ZNF532: variants seen among roughly 807,000 people sequenced by gnomAD.
The protein encoded by ZNF532 is zinc finger protein 532.
Under a neutral mutation model 89.3 loss-of-function variants are expected in ZNF532, and 22 were observed. The ratio of observed to expected loss-of-function variants is 0.25; its 90% confidence interval spans 0.18 to 0.35. The LOEUF (loss-of-function observed/expected upper bound fraction) is 0.35, where lower values mean the gene tolerates loss of function less well. ZNF532 is among the 10% of genes least tolerant of loss of function. The pLI, the probability that ZNF532 is intolerant of heterozygous loss-of-function variation, is 1.00. For synonymous variants in ZNF532, 606 were observed against 649.6 expected, an observed-to-expected ratio of 0.93 and a Z score of 1.02; for missense variants, 1,132 against 1,643.4, an observed-to-expected ratio of 0.69 and a Z score of 5.38.
At chr18:58,908,831 G>T (rs971828903) in intron 2 of ZNF532, among the ~76,000 whole-genome samples, 10 of 152,198 alleles carry the variant, frequency 6.6e-5, no homozygotes, top group Non-Finnish European at 1.5e-5. Context: ...TTGCCTGAAA[G>T]AAATCTGTTT....
intron 3 of ZNF532, among the ~76,000 whole-genome samples, chr18:58,927,040 G>T (rs1473927202): frequency 1.3e-5 from 2 of 152,196 alleles, no homozygotes; most frequent in African/African-American, 4.8e-5. Context: ...GAATTGAGAA[G>T]TATTCCCTCC....
At chr18:58,888,888 A>G (rs865802795) in intron 2 of ZNF532, among the ~76,000 whole-genome samples, 1 of 45,398 alleles carries the variant, frequency 2.2e-5, no homozygotes, top group Non-Finnish European at 3.7e-5. Flanking sequence ...ATATATATAT[A>G]TTTTATATAT....
At chr18:58,926,627 C>T (rs931615312) in intron 3 of ZNF532, among the ~76,000 whole-genome samples, 16 of 152,168 alleles carry the variant, frequency 1.1e-4, no homozygotes, top group Admixed American at 6.5e-5. Flanking sequence ...GGATTATAGG[C>T]GTGAGCCACT....
At chr18:58,967,585 CT>C (rs1299508353) in intron 7 of ZNF532, among the ~76,000 whole-genome samples, 1 of 151,904 alleles carries the variant, frequency 6.6e-6, no homozygotes, top group East Asian at 1.9e-4. Context: ...CTCCACCATA[CT>C]TTTTTTTTCT....
chr18:58,885,738 C>T (rs2058252751), intron 2 of ZNF532, among the ~76,000 whole-genome samples: 1 of 151,734 alleles, frequency 6.6e-6, no homozygotes. Context: ...CCTGTAATCC[C>T]AGCTACTCAG....
At chr18:58,899,976 A>G (rs1372501216) in intron 2 of ZNF532, among the ~76,000 whole-genome samples, 1 of 151,764 alleles carries the variant, frequency 6.6e-6, no homozygotes, top group Non-Finnish European at 1.5e-5. Context: ...CTTCCTGTCC[A>G]TTTTTCTCTG....
chr18:58,863,643 A>T (rs574233817), upstream of ZNF532: 1 of 113,264 alleles, frequency 8.8e-6, no homozygotes, highest in Non-Finnish European at 1.9e-5. Context: ...CGACAGCAGC[A>T]GCAGCCACAG....
At chr18:58,946,825 G>A (rs1395488770) in intron 5 of ZNF532, among the ~76,000 whole-genome samples, 1 of 152,004 alleles carries the variant, frequency 6.6e-6, no homozygotes, top group East Asian at 1.9e-4. Context: ...GTAAAAACAG[G>A]CCAATCCAGT....
At chr18:58,966,121 ACT>A (rs2065893455) in intron 7 of ZNF532, among the ~76,000 whole-genome samples, 1 of 151,766 alleles carries the variant, frequency 6.6e-6, no homozygotes, top group South Asian at 2.1e-4. Flanking sequence ...GTTCCCTCCT[ACT>A]CTCCTACCCT....
intron 2 of ZNF532, among the ~76,000 whole-genome samples, chr18:58,908,894 AAGACCTAATAACATCCTAC>A (rs2060106223): frequency 6.6e-6 from 1 of 152,224 alleles, no homozygotes; most frequent in Admixed American, 6.5e-5. Flanking sequence ...GTCTTTGTGA[AAGACCTAATAACATCCTAC>A]AGAACTAGTA....
In ZNF532 at chr18:58,891,022, G is replaced by A. The variant is rs142238812; in HGVS notation, c.-18+25443G>A. 6.9e-3 allele frequency among the ~76,000 whole-genome samples: 1,043 copies of A among 152,086 alleles called. 8 individuals carry two copies. Among genetic ancestry groups the A allele is most frequent in the South Asian group, 8.3e-3 (40 of 4,812 alleles). On this transcript the variant is annotated intron_variant, in intron 2 of 9. Transcript: ENST00000591808. ...CGTATCGGGCTAACTGGGTTCAAGC[G>A]ATTCTCCTGCCTCAGCCTCCCGAGT...
At chr18:58,937,152 TA>T (rs1252302069) in intron 4 of ZNF532, among the ~76,000 whole-genome samples, 2 of 152,040 alleles carry the variant, frequency 1.3e-5, no homozygotes, top group Non-Finnish European at 2.9e-5. Flanking sequence ...ATACTGTAAA[TA>T]TTTTTTTTAA....
chr18:58,887,806 C>T (rs545442849), intron 2 of ZNF532, among the ~76,000 whole-genome samples: 2 of 152,112 alleles, frequency 1.3e-5, no homozygotes, highest in African/African-American at 2.4e-5. Context: ...CGAGTCGGGG[C>T]GAGCTGCGGT....
intron 8 of ZNF532, chr18:58,980,345 A>T (rs2067603563): frequency 6.6e-6 from 1 of 152,196 alleles, no homozygotes; most frequent in Non-Finnish European, 1.5e-5. Context: ...GGTTTTGTTT[A>T]TTTCCCCATG....
At chr18:58,909,361 G>C (rs138090964) in intron 2 of ZNF532, among the ~76,000 whole-genome samples, 15 of 152,280 alleles carry the variant, frequency 9.9e-5, no homozygotes, top group Admixed American at 1.3e-4. Flanking sequence ...TTTTAAGTTT[G>C]ACCTCGTGTA....
chr18:58,942,361 T>C (rs186086367), intron 5 of ZNF532, among the ~76,000 whole-genome samples: 9,056 of 55,172 alleles, frequency 0.16, 841 homozygotes, highest in East Asian at 0.32. Flanking sequence ...CTTCCTTCCT[T>C]CCTTCCTTCC....
At chr18:58,956,533 C>A (rs551658649) in intron 7 of ZNF532, among the ~76,000 whole-genome samples, 5 of 152,280 alleles carry the variant, frequency 3.3e-5, no homozygotes, top group African/African-American at 1.2e-4. Context: ...ATATCTATCT[C>A]CATTCATTTC....
rs534620782 is a variant in ZNF532, at chr18:58,876,156, G to A, written c.-18+10577G>A. On this transcript the variant is annotated intron_variant, in intron 2 of 9. Transcript: ENST00000591808. ...TCACCGTGTTAGCCAGGATGGTCTC[G>A]ATCTCCTGACCTCGTGATCCGCCTG... 2.0e-3 allele frequency among the ~76,000 whole-genome samples: 309 copies of A among 152,050 alleles called. 1 individual carries two copies. Among genetic ancestry groups the A allele is most frequent in the Non-Finnish European group, 1.2e-3 (81 of 67,970 alleles).
intron 2 of ZNF532, among the ~76,000 whole-genome samples, chr18:58,902,960 A>G (rs2059695505): frequency 6.6e-6 from 1 of 152,164 alleles, no homozygotes; most frequent in Non-Finnish European, 1.5e-5. Flanking sequence ...TGATCATACC[A>G]TCATCACCTC....
Sources: allele counts gnomAD v4.1 joint callset (sites outside exome capture counted in the v4.1 genomes callset), GRCh38; gene constraint gnomAD v4.1.1; transcripts MANE v1.5; gene names NCBI Gene and HGNC (gene_info 2026-07-23, HGNC 2026-07-21).